The following SLC4A10 variants were observed in gnomAD, a reference collection of about 807,000 sequenced individuals.
SLC4A10 encodes solute carrier family 4 member 10, also known as sodium-driven chloride bicarbonate exchanger.
Under a neutral mutation model 137.7 loss-of-function variants are expected in SLC4A10, and 42 were observed. That is an observed-to-expected ratio of 0.30 (90% confidence interval 0.24 to 0.39). The LOEUF (loss-of-function observed/expected upper bound fraction) is 0.39, where lower values mean the gene tolerates loss of function less well. Ranked by LOEUF, SLC4A10 falls within the 10% of genes least tolerant of loss-of-function variation. The pLI is 1.00. For synonymous variants in SLC4A10, 474 were observed against 464.1 expected, an observed-to-expected ratio of 1.02 and a Z score of -0.27; for missense variants, 925 against 1,355.0, an observed-to-expected ratio of 0.68 and a Z score of 4.98.
At chr2:161,935,511 C>T (rs1318461669) in intron 15 of SLC4A10, among the ~76,000 whole-genome samples, 1 of 152,116 alleles carries the variant, frequency 6.6e-6, no homozygotes, top group African/African-American at 2.4e-5. Flanking sequence ...TCCATAAACA[C>T]AGGATATTTT....
chr2:161,872,406 CTAAG>C (rs1165765264), intron 7 of SLC4A10, 22 bp downstream of exon 7: 5 of 1,585,904 alleles, frequency 3.2e-6, no homozygotes, highest in African/African-American at 2.7e-5. Flanking sequence ...TCCCTCTCAT[CTAAG>C]TAAGTTGCTA....
intron 1 of SLC4A10, among the ~76,000 whole-genome samples, chr2:161,702,193 T>C (rs569711517): frequency 2.6e-5 from 4 of 152,042 alleles, no homozygotes; most frequent in African/African-American, 7.2e-5. Flanking sequence ...ATGTGGTATA[T>C]ATAAACAATG....
At chr2:161,777,702 C>T (rs538334962) in intron 2 of SLC4A10, among the ~76,000 whole-genome samples, 76 of 152,008 alleles carry the variant, frequency 5.0e-4, no homozygotes, top group Non-Finnish European at 7.1e-4. Context: ...TTTACTGTCA[C>T]GAGAACAGCA....
intron 1 of SLC4A10, among the ~76,000 whole-genome samples, chr2:161,661,519 A>T (rs1384077013): frequency 6.6e-6 from 1 of 152,240 alleles, no homozygotes; most frequent in Non-Finnish European, 1.5e-5. Context: ...ATTGAAACTG[A>T]ATGAGTGGAA....
intron 3 of SLC4A10, among the ~76,000 whole-genome samples, chr2:161,806,619 A>C (rs1316866054): frequency 2.0e-5 from 3 of 152,146 alleles, no homozygotes; most frequent in Non-Finnish European, 4.4e-5. Flanking sequence ...CTCTTTGCTA[A>C]AACATAACAA....
chr2:161,715,190 G>A (rs572873365), intron 1 of SLC4A10, among the ~76,000 whole-genome samples: 1 of 151,976 alleles, frequency 6.6e-6, no homozygotes, highest in African/African-American at 2.4e-5. Context: ...CTCTACAGCT[G>A]TTGGCCTTAA....
At chr2:161,900,221 C>T (rs1682748714) in intron 11 of SLC4A10, among the ~76,000 whole-genome samples, 1 of 152,082 alleles carries the variant, frequency 6.6e-6, no homozygotes, top group Admixed American at 6.6e-5. Flanking sequence ...ACAATACTTA[C>T]CTGAATCTCT....
intron 4 of SLC4A10, among the ~76,000 whole-genome samples, chr2:161,840,534 C>T (rs548929686): frequency 6.6e-6 from 1 of 152,212 alleles, no homozygotes; most frequent in Non-Finnish European, 1.5e-5. Context: ...ACTTTTCATT[C>T]ATTCTTTCTG....
chr2:161,660,577 TTTCTTTCTTTC>T (rs1384587215), intron 1 of SLC4A10, among the ~76,000 whole-genome samples: 1 of 128,196 alleles, frequency 7.8e-6, no homozygotes, highest in Non-Finnish European at 1.8e-5. Context: ...TCTTTCTTTC[TTTCTTTCTTTC>T]TTTCTTTCTT....
intron 16 of SLC4A10, among the ~76,000 whole-genome samples, chr2:161,945,182 G>GTGTA (rs1185711774): frequency 7.9e-5 from 7 of 88,858 alleles, no homozygotes; most frequent in East Asian, 5.3e-4. Context: ...AAGTTTGTGT[G>GTGTA]TATATATATA....
At chr2:161,652,267 T>G (rs2036905592) in intron 1 of SLC4A10, among the ~76,000 whole-genome samples, 1 of 152,230 alleles carries the variant, frequency 6.6e-6, no homozygotes. Context: ...ATTCAATCAT[T>G]TATTTATATC....
At chr2:161,741,568 A>G (rs1354940254) in intron 1 of SLC4A10, among the ~76,000 whole-genome samples, 2 of 152,170 alleles carry the variant, frequency 1.3e-5, no homozygotes, top group Non-Finnish European at 2.9e-5. Context: ...TTCTACATTT[A>G]AGTGTAAAAA....
At chr2:161,681,304 G>A (rs538148359) in intron 1 of SLC4A10, among the ~76,000 whole-genome samples, 1 of 152,194 alleles carries the variant, frequency 6.6e-6, no homozygotes, top group East Asian at 1.9e-4. Flanking sequence ...TCATCATGTG[G>A]CATTCATCCA....
intron 1 of SLC4A10, among the ~76,000 whole-genome samples, chr2:161,647,793 A>G (rs971247895): frequency 1.4e-4 from 22 of 152,200 alleles, no homozygotes; most frequent in African/African-American, 5.1e-4. Context: ...TCTATATTTT[A>G]TACGTTATAA....
At chr2:161,744,563 T>G (rs1475800357) in intron 1 of SLC4A10, among the ~76,000 whole-genome samples, 1 of 152,178 alleles carries the variant, frequency 6.6e-6, no homozygotes, top group African/African-American at 2.4e-5. Flanking sequence ...TTTAATTTTT[T>G]GCTTTATATT....
At chr2:161,670,320 C>T (rs1314481777) in intron 1 of SLC4A10, among the ~76,000 whole-genome samples, 2 of 146,942 alleles carry the variant, frequency 1.4e-5, no homozygotes, top group African/African-American at 5.0e-5. Context: ...TTTCCATCCA[C>T]AGGTTTTATT....
At chr2:161,681,513 C>T (rs2040847235) in intron 1 of SLC4A10, among the ~76,000 whole-genome samples, 1 of 152,000 alleles carries the variant, frequency 6.6e-6, no homozygotes, top group Admixed American at 6.6e-5. Context: ...TTTCTATGTT[C>T]CAAAACATGG....
At chr2:161,691,452 T>A (rs2041992770) in intron 1 of SLC4A10, among the ~76,000 whole-genome samples, 1 of 151,938 alleles carries the variant, frequency 6.6e-6, no homozygotes, top group African/African-American at 2.4e-5. Context: ...CCTTAAAAAA[T>A]AACTAGAAGA....
At chr2:161,722,567 G>A (rs1272303914) in intron 1 of SLC4A10, among the ~76,000 whole-genome samples, 3 of 152,192 alleles carry the variant, frequency 2.0e-5, no homozygotes, top group South Asian at 4.1e-4. Flanking sequence ...CTGTCCCAGA[G>A]GAGCACCAAC....
Sources: gnomAD v4.1 joint callset for allele counts (sites outside exome capture counted in the v4.1 genomes callset) on GRCh38, gnomAD v4.1.1 for gene constraint, MANE v1.5 for transcripts, NCBI Gene and HGNC (gene_info 2026-07-23, HGNC 2026-07-21) for gene names.